The following WWOX variants were observed in gnomAD, a reference collection of about 807,000 sequenced individuals.
The protein encoded by WWOX is WW domain containing oxidoreductase, also known as WW domain-containing oxidoreductase.
In WWOX, 69 loss-of-function variants were observed where a neutral mutation model predicts 46.2. That is an observed-to-expected ratio of 1.49 (90% confidence interval 1.23 to 1.82). The LOEUF (loss-of-function observed/expected upper bound fraction) is 1.82. Ranked by LOEUF, WWOX falls within the 40% of genes most tolerant of loss-of-function variation. The pLI, the probability that WWOX is intolerant of heterozygous loss-of-function variation, is 0.00. For missense variants in WWOX, 919 were observed against 542.6 expected (o/e 1.69, Z -6.89); for synonymous variants, 359 against 202.6 (o/e 1.77, Z -6.56).
intron 8 of WWOX, among the ~76,000 whole-genome samples, chr16:78,470,067 T>G (rs553709388): frequency 4.6e-5 from 7 of 152,352 alleles, no homozygotes; most frequent in Admixed American, 1.3e-4. Flanking sequence ...ATAATGACTC[T>G]TGCCAATTAG....
At chr16:78,690,271 C>A (rs2047955394) in intron 8 of WWOX, among the ~76,000 whole-genome samples, 1 of 152,094 alleles carries the variant, frequency 6.6e-6, no homozygotes, top group African/African-American at 2.4e-5. Flanking sequence ...TGTTTGTTGG[C>A]CAGGCGTGGT....
intron 8 of WWOX, among the ~76,000 whole-genome samples, chr16:79,007,076 C>G (rs564215270): frequency 1.3e-5 from 2 of 152,200 alleles, no homozygotes; most frequent in East Asian, 3.9e-4. Context: ...GGCACTTTGT[C>G]ACAGGCCAGG....
At chr16:78,768,784 T>C (rs1205846272) in intron 8 of WWOX, among the ~76,000 whole-genome samples, 1 of 152,182 alleles carries the variant, frequency 6.6e-6, no homozygotes, top group Non-Finnish European at 1.5e-5. Flanking sequence ...GTGGGTCTTT[T>C]TGTGGAACGA....
chr16:78,478,892 C>A lies in WWOX; in HGVS notation c.1056+46140C>A, dbSNP rs147531714. On this transcript the variant is annotated intron_variant, in intron 8 of 8. Coordinates refer to ENST00000566780, the MANE Select transcript of WWOX (RefSeq NM_016373.4). ...ATAAGCTGAATCTGTAGTATAATTT[C>A]ATTAACTCATTTCCAGTATTTAATT... Among the ~76,000 whole-genome samples the A allele has an allele frequency of 5.6e-4, 85 of 152,190 alleles. 1 individual carries two copies. The highest frequency in any genetic ancestry group is 1.9e-3 in the African/African-American group (79 of 41,532).
At chr16:78,349,898 A>G (rs374032885) in intron 5 of WWOX, among the ~76,000 whole-genome samples, 2 of 121,028 alleles carry the variant, frequency 1.7e-5, no homozygotes, top group East Asian at 3.9e-4. Context: ...CCCAGAAATA[A>G]TCCCTGTTAA....
intron 6 of WWOX, among the ~76,000 whole-genome samples, chr16:78,411,462 C>A (rs1024438581): frequency 4.6e-5 from 7 of 152,050 alleles, no homozygotes; most frequent in Non-Finnish European, 1.0e-4. Context: ...CGAATAAAGA[C>A]CCAGACTTAA....
chr16:78,948,783 C>T (rs1397780075), intron 8 of WWOX, among the ~76,000 whole-genome samples: 1 of 152,210 alleles, frequency 6.6e-6, no homozygotes, highest in Middle Eastern at 3.4e-3. Context: ...CAAAAGGGAC[C>T]TTGCAGATGT....
At chr16:78,116,524 C>T (rs1345660024) in intron 4 of WWOX, among the ~76,000 whole-genome samples, 2 of 152,172 alleles carry the variant, frequency 1.3e-5, no homozygotes, top group Non-Finnish European at 2.9e-5. Context: ...AATCAACTCT[C>T]ATACCTCATC....
chr16:78,419,910 A>G (rs1241061189), intron 6 of WWOX, among the ~76,000 whole-genome samples: 2 of 152,262 alleles, frequency 1.3e-5, no homozygotes, highest in East Asian at 3.9e-4. Flanking sequence ...AGGGATTTGT[A>G]TCTAGAATAA....
At chr16:78,468,033 T>A in intron 8 of WWOX, among the ~76,000 whole-genome samples, 1 of 152,162 alleles carries the variant, frequency 6.6e-6, no homozygotes, top group African/African-American at 2.4e-5. Flanking sequence ...TTAAGAAAGC[T>A]CAAAATTCTC....
At chr16:79,068,123 G>T (rs1001148837) in intron 8 of WWOX, among the ~76,000 whole-genome samples, 3 of 152,212 alleles carry the variant, frequency 2.0e-5, no homozygotes, top group Non-Finnish European at 4.4e-5. Flanking sequence ...ACCCATTGTG[G>T]ACACACCATT....
Position 78,449,003 on chromosome 16 carries a change from T to G in WWOX, c.1056+16251T>G, listed in dbSNP as rs568982938. Among the ~76,000 whole-genome samples the G allele has an allele frequency of 8.5e-5, 13 of 152,312 alleles. No homozygotes were observed. The East Asian group carries it at 2.3e-3, about 27-fold the overall frequency. ...CTTTTTATCACAGGTGTCCTGTTTCTTAAAGATAAGCAGTGTTATTACAGG... is the reference window on the plus strand; with the variant it reads ...CTTTTTATCACAGGTGTCCTGTTTCGTAAAGATAAGCAGTGTTATTACAGG... On this transcript the variant is annotated intron_variant, in intron 8 of 8. Coordinates refer to ENST00000566780, the MANE Select transcript of WWOX (RefSeq NM_016373.4).
At chr16:78,365,838 T>C (rs2081524953) in intron 5 of WWOX, among the ~76,000 whole-genome samples, 1 of 152,194 alleles carries the variant, frequency 6.6e-6, no homozygotes, top group Non-Finnish European at 1.5e-5. Flanking sequence ...CTCTCTTTTC[T>C]CCAGTAAAGA....
chr16:79,102,264 A>C (rs1016440103), intron 8 of WWOX, among the ~76,000 whole-genome samples: 2 of 152,164 alleles, frequency 1.3e-5, no homozygotes, highest in African/African-American at 4.8e-5. Context: ...TAGTTCAGGT[A>C]TTGGGTCAGC....
chr16:78,604,458 T>C (rs971770789), intron 8 of WWOX, among the ~76,000 whole-genome samples: 5 of 152,140 alleles, frequency 3.3e-5, no homozygotes, highest in African/African-American at 7.2e-5. Context: ...AAAAGAGAAT[T>C]GTCATCTGTT....
intron 8 of WWOX, among the ~76,000 whole-genome samples, chr16:78,524,428 A>ATTTG (rs1428287142): frequency 1.0e-4 from 15 of 148,196 alleles, no homozygotes; most frequent in African/African-American, 3.8e-4. Context: ...TTATTTATTT[A>ATTTG]TTTGTTTGTT....
At chr16:78,690,706 A>C (rs1044455578) in intron 8 of WWOX, among the ~76,000 whole-genome samples, 1 of 152,178 alleles carries the variant, frequency 6.6e-6, no homozygotes, top group Non-Finnish European at 1.5e-5. Flanking sequence ...GGTGCTTTCC[A>C]GTCACAGCCT....
At chr16:78,739,030 T>C (rs536998951) in intron 8 of WWOX, among the ~76,000 whole-genome samples, 471 of 152,280 alleles carry the variant, frequency 3.1e-3, no homozygotes, top group African/African-American at 0.011. Flanking sequence ...CATGGTTTCC[T>C]GGTTGGATAG....
chr16:78,429,066 A>C (rs966963305), intron 7 of WWOX, among the ~76,000 whole-genome samples: 21 of 152,186 alleles, frequency 1.4e-4, no homozygotes, highest in African/African-American at 3.9e-4. Context: ...CCAAACTGTA[A>C]TCATCTAATT....
Sources: gnomAD v4.1 joint callset for allele counts (sites outside exome capture counted in the v4.1 genomes callset) on GRCh38, gnomAD v4.1.1 for gene constraint, MANE v1.5 for transcripts, NCBI Gene and HGNC (gene_info 2026-07-23, HGNC 2026-07-21) for gene names.